SLIT3: variants seen among roughly 807,000 people sequenced by gnomAD.
SLIT3 encodes the protein slit homolog 3 protein.
Under a neutral mutation model 184.0 loss-of-function variants are expected in SLIT3, and 68 were observed. That is an observed-to-expected ratio of 0.37 (90% CI 0.30 to 0.45). The LOEUF is 0.45. Among genes scored for constraint, SLIT3 ranks in the 20% least tolerant of loss-of-function variants. The pLI, the probability that SLIT3 is intolerant of heterozygous loss-of-function variation, is 1.00. For synonymous variants in SLIT3, 831 were observed against 828.6 expected (o/e 1.00, Z -0.05); for missense variants, 1,707 against 2,026.0 (o/e 0.84, Z 3.02).
Position 168,759,760 on chromosome 5 carries a change from C to T in SLIT3, c.1685+1102G>A, listed in dbSNP as rs143840967. Among the ~76,000 whole-genome samples, 327 of 152,294 alleles carry T rather than the reference C, an allele frequency of 2.1e-3. 2 individuals carry two copies. Among genetic ancestry groups the T allele is most frequent in the African/African-American group, 7.5e-3 (313 of 41,554 alleles). ...ACGGAGAGTCTTGACTTTGGACTTA[C>T]ACAAATGTCAGTGAGTCGGCGAATT... On this transcript the variant is annotated intron_variant, in intron 16 of 35. Transcript: ENST00000519560.
chr5:169,228,257 A>T (rs910084845), intron 3 of SLIT3, among the ~76,000 whole-genome samples: 1 of 152,128 alleles, frequency 6.6e-6, no homozygotes, highest in African/African-American at 2.4e-5. Flanking sequence ...ACTTTGAGGA[A>T]ACTGCTGGAA....
At chr5:168,937,803 G>T (rs1237446836) in intron 4 of SLIT3, among the ~76,000 whole-genome samples, 1 of 151,978 alleles carries the variant, frequency 6.6e-6, no homozygotes, top group Admixed American at 6.6e-5. Context: ...TTAAGGACTA[G>T]AATAAAGAAT....
chr5:169,225,821 G>T (rs1764788299), intron 3 of SLIT3, among the ~76,000 whole-genome samples: 1 of 152,236 alleles, frequency 6.6e-6, no homozygotes, highest in Non-Finnish European at 1.5e-5. Context: ...GAGCACCATG[G>T]CAGGGAACCA....
chr5:169,249,504 G>A (rs1220594464), intron 2 of SLIT3, among the ~76,000 whole-genome samples: 2 of 152,052 alleles, frequency 1.3e-5, no homozygotes, highest in Non-Finnish European at 2.9e-5. Context: ...CTGATGTAAC[G>A]CTAAGAAAAT....
chr5:169,202,841 C>A (rs1476821363), intron 3 of SLIT3, among the ~76,000 whole-genome samples: 1 of 151,152 alleles, frequency 6.6e-6, no homozygotes, highest in East Asian at 2.0e-4. Context: ...CTCTTTTGAC[C>A]TTTCCTGTAC....
intron 4 of SLIT3, among the ~76,000 whole-genome samples, chr5:169,083,200 C>T (rs1333939781): frequency 2.6e-5 from 4 of 152,186 alleles, no homozygotes; most frequent in Non-Finnish European, 5.9e-5. Flanking sequence ...TTTGCACTGA[C>T]AGGTATTTGC....
chr5:169,070,916 C>T (rs367623840), intron 4 of SLIT3, among the ~76,000 whole-genome samples: 3 of 152,068 alleles, frequency 2.0e-5, no homozygotes, highest in African/African-American at 4.8e-5. Flanking sequence ...CCACTTTAAC[C>T]GTCATCAACC....
chr5:169,012,325 G>A (rs1433095363), intron 4 of SLIT3: 3 of 152,228 alleles, frequency 2.0e-5, no homozygotes, highest in South Asian at 2.1e-4. Flanking sequence ...GACCAGCCTT[G>A]TGTTGGGGTG....
chr5:168,683,176 G>A (rs1424321980), intron 32 of SLIT3, among the ~76,000 whole-genome samples: 1 of 151,868 alleles, frequency 6.6e-6, no homozygotes, highest in Non-Finnish European at 1.5e-5. Context: ...GAGCAGCCTG[G>A]CCAACATGGT....
intron 4 of SLIT3, among the ~76,000 whole-genome samples, chr5:169,137,322 A>G (rs1761546784): frequency 2.3e-5 from 3 of 131,836 alleles, no homozygotes; most frequent in Non-Finnish European, 4.7e-5. Flanking sequence ...ACACACACAC[A>G]CACACACACA....
intron 3 of SLIT3, among the ~76,000 whole-genome samples, chr5:169,233,999 A>C (rs749030823): frequency 3.3e-5 from 5 of 152,202 alleles, no homozygotes; most frequent in Admixed American, 1.3e-4. Flanking sequence ...TTAATATGTA[A>C]AATGCTTTTA....
intron 20 of SLIT3, among the ~76,000 whole-genome samples, chr5:168,746,123 T>C (rs1479555924): frequency 3.3e-5 from 5 of 152,246 alleles, no homozygotes; most frequent in African/African-American, 1.2e-4. Context: ...ACTTGCTTCA[T>C]TGCAGTTTGT....
intron 4 of SLIT3, among the ~76,000 whole-genome samples, chr5:168,997,088 T>C (rs1477978475): frequency 6.6e-6 from 1 of 152,166 alleles, no homozygotes; most frequent in Non-Finnish European, 1.5e-5. Flanking sequence ...TCCTGTCTCC[T>C]GTGGCCCTCA....
At chr5:168,972,318 T>C (rs1200910020) in intron 4 of SLIT3, among the ~76,000 whole-genome samples, 1 of 142,050 alleles carries the variant, frequency 7.0e-6, no homozygotes, top group Non-Finnish European at 1.5e-5. Flanking sequence ...GGCTTGTTGA[T>C]GGCTAGCTGC....
intron 4 of SLIT3, among the ~76,000 whole-genome samples, chr5:169,129,554 C>CA (rs1292208299): frequency 6.6e-6 from 1 of 151,128 alleles, no homozygotes; most frequent in Non-Finnish European, 1.5e-5. Flanking sequence ...TCAGTCCCCC[C>CA]AAAAAAAAGT....
chr5:168,756,531 G>A (rs764645951), intron 16 of SLIT3, among the ~76,000 whole-genome samples: 2 of 152,104 alleles, frequency 1.3e-5, no homozygotes, highest in African/African-American at 4.8e-5. Context: ...AGCATCCCTC[G>A]CCCAAGGTCT....
intron 1 of SLIT3, among the ~76,000 whole-genome samples, chr5:169,268,487 G>T (rs1200896970): frequency 6.6e-6 from 1 of 152,170 alleles, no homozygotes; most frequent in Non-Finnish European, 1.5e-5. Context: ...TCCAGATCAA[G>T]GCTCTTCCAA....
intron 4 of SLIT3, among the ~76,000 whole-genome samples, chr5:168,954,402 G>A (rs1762754296): frequency 6.6e-6 from 1 of 152,040 alleles, no homozygotes; most frequent in Non-Finnish European, 1.5e-5. Flanking sequence ...CACTGGCTTA[G>A]TTTTAGGTGG....
chr5:169,006,303 G>C (rs1755925444), intron 4 of SLIT3, among the ~76,000 whole-genome samples: 1 of 152,104 alleles, frequency 6.6e-6, no homozygotes, highest in Admixed American at 6.5e-5. Context: ...CAAAAAATTA[G>C]CTTCTTCACC....
Sources: gnomAD v4.1 joint callset for allele counts (sites outside exome capture counted in the v4.1 genomes callset) on GRCh38, gnomAD v4.1.1 for gene constraint, MANE v1.5 for transcripts, NCBI Gene and HGNC (gene_info 2026-07-23, HGNC 2026-07-21) for gene names.